OR2L3: variants seen among roughly 807,000 people sequenced by gnomAD.
OR2L3 encodes the protein olfactory receptor 2L3.
For missense variants in OR2L3, 369 were observed against 376.6 expected, an observed-to-expected ratio of 0.98 and a Z score of 0.17; for synonymous variants, 131 against 139.1, an observed-to-expected ratio of 0.94 and a Z score of 0.41.
intron 1 of OR2L3, among the ~76,000 whole-genome samples, chr1:248,059,255 A>C (rs933269215): frequency 4.0e-5 from 6 of 151,194 alleles, no homozygotes; most frequent in Non-Finnish European, 7.4e-5. Context: ...AGCCTAAAAA[A>C]CTCCAGTTCT....
chr1:248,054,951 C>T (rs372669604), intron 1 of OR2L3, among the ~76,000 whole-genome samples: 114 of 152,188 alleles, frequency 7.5e-4, no homozygotes, highest in African/African-American at 2.7e-3. Flanking sequence ...GATTGATTGC[C>T]CTGGTCATAC....
chr1:248,061,888 C>T lies in OR2L3; in HGVS notation c.*268C>T, dbSNP rs150264078. On this transcript the variant is annotated 3_prime_UTR_variant, in exon 2 of 2. Transcript: ENST00000359959. ...GTCAATGAGAATTTTTGTTTTTGGT[C>T]ATGCAGAAATAGAAATGAAATTGGT... The T allele has an allele frequency of 6.7e-6, 2 of 298,392 alleles. No individual in the cohort carries two copies. Among genetic ancestry groups the T allele is most frequent in the African/African-American group, 4.3e-5 (2 of 46,134 alleles). 18.5% of individuals were successfully genotyped at this position (298,392 alleles called of 1,614,324 possible). A position where few individuals can be genotyped will look rare whatever the true frequency, so the allele number is the denominator to read the frequency against.
intron 1 of OR2L3, among the ~76,000 whole-genome samples, chr1:248,053,511 G>GTCT (rs924517313): frequency 2.6e-5 from 4 of 152,178 alleles, no homozygotes; most frequent in African/African-American, 9.7e-5. Context: ...CCAGTTCTAA[G>GTCT]TCTTTGAGGA....
chr1:248,060,660 G>A lies in OR2L3; in HGVS notation c.-21-1G>A. ...TAACTTACCCTTGTGTCTCCCTTCAGGAAAGAGCACACGAATGCCCCATGG... is the reference window on the plus strand; with the variant it reads ...TAACTTACCCTTGTGTCTCCCTTCAAGAAAGAGCACACGAATGCCCCATGG... On this transcript the variant is annotated splice_acceptor_variant, in intron 1 of 1. Transcript: ENST00000359959. LOFTEE classifies it low-confidence loss of function (5UTR_SPLICE). 1 of 1,584,470 alleles carries A rather than the reference G, an allele frequency of 6.3e-7. No individual in the cohort carries two copies. Among genetic ancestry groups the A allele is most frequent in the East Asian group, 2.2e-5 (1 of 44,730 alleles).
chr1:248,048,556 A>T (rs778647543), intron 1 of OR2L3, among the ~76,000 whole-genome samples: 4 of 152,134 alleles, frequency 2.6e-5, no homozygotes, highest in Non-Finnish European at 4.4e-5. Context: ...TCAATGTGAA[A>T]TAATTCTTAC....
At chr1:248,055,675 T>G (rs534545520) in intron 1 of OR2L3, among the ~76,000 whole-genome samples, 8 of 152,212 alleles carry the variant, frequency 5.3e-5, no homozygotes, top group Middle Eastern at 3.2e-3. Flanking sequence ...GTGAATCACT[T>G]AAACCCAGGA....
intron 1 of OR2L3, among the ~76,000 whole-genome samples, chr1:248,050,328 A>G (rs886117133): frequency 2.0e-5 from 3 of 152,162 alleles, no homozygotes; most frequent in Non-Finnish European, 4.4e-5. Context: ...CCTTATAGCT[A>G]ATTCTGTTAA....
At chr1:248,048,715 G>C (rs1017231944) in intron 1 of OR2L3, among the ~76,000 whole-genome samples, 1 of 152,098 alleles carries the variant, frequency 6.6e-6, no homozygotes, top group Non-Finnish European at 1.5e-5. Context: ...ACGGAGATCA[G>C]TTTCTGGAAG....
At position 248,061,586 on chromosome 1, in the gene OR2L3, G is replaced by A. The variant is rs879860810; in HGVS notation, c.905G>A (p.Arg302Gln). 1.4e-5 allele frequency: 22 copies of A among 1,612,780 alleles called. No individual in the cohort carries two copies. Among genetic ancestry groups the A allele is most frequent in the Non-Finnish European group, 1.8e-5 (21 of 1,179,470 alleles). ...AAGGAGGTGATGGGGGCCCTGACAC[G>A]AGTGAGTCAGAGAATCTGCTCTGGG... ...RNKEVMGALTRVSQRICSGKM is the reference protein window; with the variant it reads ...RNKEVMGALTQVSQRICSGKM Residue 302 changes from arginine (R) to glutamine (Q), a missense_variant, in exon 2 of 2, where the codon CGA becomes CAA. Physicochemically the swap from Arg to Gln is conservative, Grantham distance 43. Transcript: ENST00000359959.
Position 248,060,943 on chromosome 1 carries a change from A to G in OR2L3, c.262A>G (p.Asn88Asp), listed in dbSNP as rs554230727. The change falls in exon 2 of 2, where the codon AAC becomes GAC. Residue 88 changes from asparagine to aspartate, a missense_variant. Physicochemically the swap from Asn to Asp is conservative, Grantham distance 23. Transcript: ENST00000359959. ...GATGGCATCTGATTTTCTGTCTGGT[A>G]ACAAGTCTATCTCCTTCACTGGGTG... ...PKMASDFLSGNKSISFTGCGI... is the reference protein window; with the variant it reads ...PKMASDFLSGDKSISFTGCGI... 2.4e-5 allele frequency: 38 copies of G among 1,613,856 alleles called. No homozygotes were observed. The highest frequency in any genetic ancestry group is 3.0e-5 in the Non-Finnish European group (35 of 1,179,896).
intron 1 of OR2L3, among the ~76,000 whole-genome samples, chr1:248,059,601 T>C (rs575241070): frequency 6.6e-6 from 1 of 152,336 alleles, no homozygotes; most frequent in South Asian, 2.1e-4. Flanking sequence ...TAAAGGGACA[T>C]AGCAATAAGG....
chr1:248,061,579 C>G lies in OR2L3; in HGVS notation c.898C>G (p.Leu300Val), dbSNP rs767063903. The change falls in exon 2 of 2, where the codon CTG becomes GTG. Residue 300 changes from leucine to valine, a missense_variant. By Grantham distance (32) the Leu-to-Val change is conservative. Coordinates refer to ENST00000359959, the MANE Select transcript of OR2L3 (RefSeq NM_001004687.2). ...SLRNKEVMGA[L>V]TRVSQRICSG... The stretch of plus-strand genomic sequence containing the variant: ...GAGGAACAAGGAGGTGATGGGGGCC[C>G]TGACACGAGTGAGTCAGAGAATCTG... 3.1e-6 allele frequency: 5 copies of G among 1,613,170 alleles called. No homozygotes were observed. In the African/African-American group the frequency reaches 5.3e-5, roughly 17 times the overall value.
In OR2L3 at chr1:248,061,967, C is replaced by T. The variant is rs1033224325; in HGVS notation, c.*347C>T. 1.7e-5 allele frequency: 3 copies of T among 176,666 alleles called. No individual in the cohort carries two copies. The highest frequency in any genetic ancestry group is 3.6e-5 in the Non-Finnish European group (3 of 84,104). The allele number at this position is 176,666 out of a possible 1,614,324, so 10.9% of individuals were successfully genotyped here. The stretch of plus-strand genomic sequence containing the variant: ...ATTTCCTTATGGTCAGTTTATTTTC[C>T]AGTAATTTTAAATTTACTTTTTTGT... On this transcript the variant is annotated 3_prime_UTR_variant, in exon 2 of 2. Transcript: ENST00000359959.
intron 1 of OR2L3, among the ~76,000 whole-genome samples, chr1:248,050,093 G>C (rs145187799): frequency 6.6e-6 from 1 of 152,168 alleles, no homozygotes; most frequent in South Asian, 2.1e-4. Flanking sequence ...TGTGTGGAGA[G>C]AGTCTGTGAA....
intron 1 of OR2L3, among the ~76,000 whole-genome samples, chr1:248,051,891 T>C (rs1663275959): frequency 6.6e-6 from 1 of 152,178 alleles, no homozygotes; most frequent in Non-Finnish European, 1.5e-5. Flanking sequence ...TTTACAATAA[T>C]TTGATGATTT....
intron 1 of OR2L3, among the ~76,000 whole-genome samples, chr1:248,058,020 A>G (rs1280875185): frequency 6.6e-6 from 1 of 152,146 alleles, no homozygotes; most frequent in Non-Finnish European, 1.5e-5. Context: ...AGATGCAGAG[A>G]AAGTGGACTT....
intron 1 of OR2L3, among the ~76,000 whole-genome samples, chr1:248,057,677 G>A (rs761318360): frequency 6.6e-6 from 1 of 151,940 alleles, no homozygotes; most frequent in Non-Finnish European, 1.5e-5. Flanking sequence ...GCTCTAATCA[G>A]CATTTTCTCA....
rs1663592624 is a variant in OR2L3, at chr1:248,060,644, C to T, written c.-21-17C>T. 6.5e-7 allele frequency: 1 copy of T among 1,528,418 alleles called. No homozygotes were observed. Among genetic ancestry groups the T allele is most frequent in the East Asian group, 2.3e-5 (1 of 44,402 alleles). 94.7% of individuals were successfully genotyped at this position (1,528,418 alleles called of 1,614,324 possible). On this transcript the variant is annotated splice_polypyrimidine_tract_variant and intron_variant, in intron 1 of 1. Transcript: ENST00000359959. Reference sequence around the variant, plus strand: ...GACGAATTTCTGTGCTTAACTTACCCTTGTGTCTCCCTTCAGGAAAGAGCA... The same window carrying T: ...GACGAATTTCTGTGCTTAACTTACCTTTGTGTCTCCCTTCAGGAAAGAGCA...
chr1:248,060,640 T>G, intron 1 of OR2L3, 21 bp from the exon 2 acceptor site: 1 of 1,508,406 alleles, frequency 6.6e-7, no homozygotes, highest in Non-Finnish European at 9.1e-7. Context: ...GTGCTTAACT[T>G]ACCCTTGTGT....
Sources: allele counts gnomAD v4.1 joint callset (sites outside exome capture counted in the v4.1 genomes callset), GRCh38; gene constraint gnomAD v4.1.1; transcripts MANE v1.5; gene names NCBI Gene and HGNC (gene_info 2026-07-23, HGNC 2026-07-21).